RPS6KA3: variants seen among roughly 807,000 people sequenced by gnomAD.
The protein encoded by RPS6KA3 is ribosomal protein S6 kinase alpha-3.
In RPS6KA3, 4 loss-of-function variants were observed where a neutral mutation model predicts 67.2. The observed-to-expected ratio is 0.06, with a 90% CI of 0.03 to 0.14. The LOEUF (loss-of-function observed/expected upper bound fraction) is 0.14, where lower values mean the gene tolerates loss of function less well. RPS6KA3 is among the 10% of genes least tolerant of loss of function. RPS6KA3 has a pLI of 1.00. For missense variants in RPS6KA3, 204 were observed against 559.0 expected, an observed-to-expected ratio of 0.36 and a Z score of 6.40; for synonymous variants, 182 against 183.7, an observed-to-expected ratio of 0.99 and a Z score of 0.07.
At chrX:20,178,437 A>G (rs1213106297) in intron 10 of RPS6KA3, among the ~76,000 whole-genome samples, 1 of 109,027 alleles carries the variant, frequency 9.2e-6, no homozygotes, top group Admixed American at 1.0e-4. Flanking sequence ...GAATTAAAAT[A>G]CACTGCATAT....
intron 1 of RPS6KA3, 60 bp from the exon 2 acceptor site, chrX:20,234,874 A>G (rs2069367760): frequency 2.1e-6 from 2 of 933,826 alleles, no homozygotes; most frequent in Non-Finnish European, 3.1e-6. Context: ...GTTAAAGTTA[A>G]ATGAAGGCAG....
At chrX:20,252,358 T>G (rs1247943543) in intron 1 of RPS6KA3, among the ~76,000 whole-genome samples, 1 of 111,708 alleles carries the variant, frequency 9.0e-6, no homozygotes, top group Non-Finnish European at 1.9e-5. Context: ...GTATAAGTGA[T>G]TTTTTACTGT....
rs185460422 is a variant in RPS6KA3, at chrX:20,177,094, A to G, written c.846-10T>C. ...CATTCCAAGTTTGGCTCTAAATAATAAATCCACATAATATTTTATTTTTTG... is the reference window on the plus strand; with the variant it reads ...CATTCCAAGTTTGGCTCTAAATAATGAATCCACATAATATTTTATTTTTTG... On this transcript the variant is annotated splice_polypyrimidine_tract_variant and intron_variant, in intron 10 of 21. Coordinates refer to ENST00000379565, the MANE Select transcript of RPS6KA3 (RefSeq NM_004586.3). 2 of 1,133,289 alleles carry G rather than the reference A, an allele frequency of 1.8e-6. No individual in the cohort carries two copies. Among genetic ancestry groups the G allele is most frequent in the East Asian group, 6.0e-5 (2 of 33,487 alleles). The allele number at this position is 1,133,289 out of a possible 1,213,427, so 93.4% of individuals were successfully genotyped here.
chrX:20,234,138 C>T (rs918217631), intron 2 of RPS6KA3, among the ~76,000 whole-genome samples: 2 of 112,375 alleles, frequency 1.8e-5, no homozygotes, highest in Non-Finnish European at 3.8e-5. Flanking sequence ...ATATTTTTGT[C>T]TTTAACAAAT....
At chrX:20,217,362 A>C (rs1253914614) in intron 2 of RPS6KA3, among the ~76,000 whole-genome samples, 2 of 112,954 alleles carry the variant, frequency 1.8e-5, no homozygotes, top group African/African-American at 6.4e-5. Flanking sequence ...TGTCTATTTG[A>C]ATTATCGAAA....
intron 3 of RPS6KA3, among the ~76,000 whole-genome samples, chrX:20,205,612 T>C (rs897718473): frequency 1.8e-5 from 2 of 111,890 alleles, no homozygotes; most frequent in Admixed American, 1.9e-4. Flanking sequence ...TTCAGCCAGT[T>C]AGTGGGGAGC....
At chrX:20,261,386 G>C (rs186718905) in intron 1 of RPS6KA3, among the ~76,000 whole-genome samples, 39 of 111,812 alleles carry the variant, frequency 3.5e-4, no homozygotes, top group African/African-American at 1.1e-3. Context: ...TCTATGCATG[G>C]AACAAAATAT....
chrX:20,194,044 A>T (rs1411814297), intron 6 of RPS6KA3, 145 bp downstream of exon 6: 20 of 442,667 alleles, frequency 4.5e-5, no homozygotes, highest in Non-Finnish European at 7.5e-5. Flanking sequence ...TTCAAAAGGT[A>T]GGAAAAGAAC....
At chrX:20,201,325 G>A (rs1021242157) in intron 4 of RPS6KA3, among the ~76,000 whole-genome samples, 1 of 110,612 alleles carries the variant, frequency 9.0e-6, no homozygotes, top group Non-Finnish European at 1.9e-5. Flanking sequence ...TTTTTGTAGA[G>A]ACAGGGTCTT....
At chrX:20,218,044 T>C (rs2068899566) in intron 2 of RPS6KA3, among the ~76,000 whole-genome samples, 1 of 112,129 alleles carries the variant, frequency 8.9e-6, no homozygotes, top group African/African-American at 3.2e-5. Flanking sequence ...AGCAAGCTGG[T>C]TCTCCAGATT....
chrX:20,222,199 T>C (rs746017954), intron 2 of RPS6KA3, among the ~76,000 whole-genome samples: 3 of 111,958 alleles, frequency 2.7e-5, no homozygotes, highest in South Asian at 7.3e-4. Flanking sequence ...AGCACAGAGA[T>C]AGGAATTAGC....
At position 20,177,006 on chromosome X, in the gene RPS6KA3, T is replaced by G; in HGVS notation, c.924A>C (p.Ala308=). 8.3e-7 allele frequency: 1 copy of G among 1,198,472 alleles called. No individual in the cohort carries two copies. Among genetic ancestry groups the G allele is most frequent in the Non-Finnish European group, 1.1e-6 (1 of 883,150 alleles). ...LLRMLFKRNP[A]NRLGAGPDGV... is the part of the protein sequence containing the mutation. ...AGTTAAAATTTTTACCTAATCTGTTTGCAGGATTTCGCTTGAAAAGCATTC... is the reference window on the plus strand; with the variant it reads ...AGTTAAAATTTTTACCTAATCTGTTGGCAGGATTTCGCTTGAAAAGCATTC... The change falls in exon 11 of 22, where the codon GCA becomes GCC. Residue 308 remains alanine (A), a synonymous_variant. Transcript: ENST00000379565.
chrX:20,170,615 AT>A (rs1348226800), intron 15 of RPS6KA3, among the ~76,000 whole-genome samples: 3 of 110,227 alleles, frequency 2.7e-5, no homozygotes, highest in Non-Finnish European at 3.8e-5. Context: ...CCTTATATAT[AT>A]TTTTTCTTTT....
chrX:20,212,466 C>G (rs779178471), intron 2 of RPS6KA3, among the ~76,000 whole-genome samples: 20 of 111,415 alleles, frequency 1.8e-4, no homozygotes, highest in Non-Finnish European at 2.3e-4. Context: ...CCACTGCACT[C>G]CAGCCTCCTG....
rs1397078154 is a variant in RPS6KA3, at chrX:20,154,637, T to G, written c.*761A>C. ...TTTCATGCCACACACATATGATAAC[T>G]TTCTCTACCATAACAGCTCTCTAGG... is the stretch of plus-strand genomic sequence containing the variant. On this transcript the variant is annotated 3_prime_UTR_variant, in exon 22 of 22. Transcript: ENST00000379565. 8.8e-6 allele frequency: 1 copy of G among 113,120 alleles called. No individual in the cohort carries two copies. The highest frequency in any genetic ancestry group is 3.2e-5 in the African/African-American group (1 of 30,973). The allele number at this position is 113,120 out of a possible 1,213,427, so 9.3% of individuals were successfully genotyped here. A position where few individuals can be genotyped will look rare whatever the true frequency, so the allele number is the denominator to read the frequency against.
At chrX:20,266,392 C>G (rs760425975) in intron 1 of RPS6KA3, among the ~76,000 whole-genome samples, 172 bp downstream of exon 1, 1 of 111,699 alleles carries the variant, frequency 9.0e-6, no homozygotes, top group African/African-American at 3.3e-5. Flanking sequence ...ATGGAAGGAA[C>G]AGACAGACCG....
intron 1 of RPS6KA3, among the ~76,000 whole-genome samples, chrX:20,258,067 C>T (rs958706014): frequency 8.9e-6 from 1 of 111,912 alleles, no homozygotes; most frequent in Admixed American, 9.4e-5. Context: ...TTTCAAGATA[C>T]AAATCATACA....
In RPS6KA3 at chrX:20,245,847, C is replaced by T. The variant is rs969221362; in HGVS notation, c.70-11033G>A. 4.5e-5 allele frequency among the ~76,000 whole-genome samples: 5 copies of T among 111,250 alleles called. No individual in the cohort carries two copies. In the South Asian group the frequency reaches 1.5e-3, roughly 33 times the overall value. ...TTACACAAGACTGGGAGGCCAGGCG[C>T]GGTGGCTCACACCTGTAATCCTAGC... On this transcript the variant is annotated intron_variant, in intron 1 of 21. Coordinates refer to ENST00000379565, the MANE Select transcript of RPS6KA3 (RefSeq NM_004586.3).
intron 7 of RPS6KA3, among the ~76,000 whole-genome samples, chrX:20,193,221 T>C (rs1037902502): frequency 1.8e-5 from 2 of 110,997 alleles, no homozygotes; most frequent in African/African-American, 6.6e-5. Flanking sequence ...GAGATTGCAG[T>C]GAGCTGAGAT....
Sources: allele counts gnomAD v4.1 joint callset (sites outside exome capture counted in the v4.1 genomes callset), GRCh38; gene constraint gnomAD v4.1.1; transcripts MANE v1.5; gene names NCBI Gene and HGNC (gene_info 2026-07-23, HGNC 2026-07-21).